Variants in STXBP5 observed in about 807,000 individuals in gnomAD.
The protein encoded by STXBP5 is syntaxin binding protein 5, also known as syntaxin-binding protein 5.
A neutral mutation model predicts 152.4 loss-of-function variants in STXBP5; 50 were observed. The observed-to-expected ratio is 0.33, with a 90% confidence interval of 0.26 to 0.42. The LOEUF (loss-of-function observed/expected upper bound fraction) is 0.42, where lower values mean the gene tolerates loss of function less well. STXBP5 is among the 10% of genes least tolerant of loss of function. The probability of loss-of-function intolerance (pLI) is 1.00; values close to 1 mark genes in which losing one functional copy is unlikely to be tolerated. For synonymous variants in STXBP5, 492 were observed against 494.7 expected, an observed-to-expected ratio of 0.99 and a Z score of 0.07; for missense variants, 1,167 against 1,388.6, an observed-to-expected ratio of 0.84 and a Z score of 2.54.
At chr6:147,310,683 A>G (rs960660682) in intron 10 of STXBP5, among the ~76,000 whole-genome samples, 5 of 152,122 alleles carry the variant, frequency 3.3e-5, no homozygotes, top group African/African-American at 1.2e-4. Flanking sequence ...TGAAATCTAT[A>G]GATTGAAATT....
chr6:147,277,539 C>G (rs1780503022), intron 7 of STXBP5, among the ~76,000 whole-genome samples: 1 of 152,010 alleles, frequency 6.6e-6, no homozygotes. Flanking sequence ...AAATAAATTT[C>G]TTATCAGAAC....
chr6:147,262,582 C>T (rs1183888368), intron 6 of STXBP5, among the ~76,000 whole-genome samples: 1 of 151,892 alleles, frequency 6.6e-6, no homozygotes, highest in Non-Finnish European at 1.5e-5. Context: ...AAACTTAATG[C>T]ATATAATTAC....
intron 26 of STXBP5, among the ~76,000 whole-genome samples, chr6:147,377,192 A>T (rs1405448143): frequency 6.6e-6 from 1 of 152,214 alleles, no homozygotes; most frequent in African/African-American, 2.4e-5. Context: ...AATAACAAAG[A>T]TAAGTTTAAA....
rs1786282738 is a variant in STXBP5, at chr6:147,385,233, T to G, written c.*478T>G. On this transcript the variant is annotated 3_prime_UTR_variant, in exon 28 of 28. Coordinates refer to ENST00000321680, the MANE Select transcript of STXBP5 (RefSeq NM_001127715.4). ...ACAGCTGTCTTGGACTTTCCCTCTCTTAACACTGACTGGTCATCAGTATCA... is the reference window on the plus strand; with the variant it reads ...ACAGCTGTCTTGGACTTTCCCTCTCGTAACACTGACTGGTCATCAGTATCA... 6.5e-6 allele frequency: 1 copy of G among 154,098 alleles called. No homozygotes were observed. The highest frequency in any genetic ancestry group is 2.0e-4 in the South Asian group (1 of 4,906). 9.5% of individuals were successfully genotyped at this position (154,098 alleles called of 1,614,324 possible).
At chr6:147,290,361 T>TA in intron 8 of STXBP5, among the ~76,000 whole-genome samples, 1 of 152,216 alleles carries the variant, frequency 6.6e-6, no homozygotes, top group East Asian at 1.9e-4. Context: ...GGTGTTAGGT[T>TA]AGGGGTGAGT....
At chr6:147,255,554 G>A (rs1779317291) in intron 4 of STXBP5, among the ~76,000 whole-genome samples, 1 of 152,014 alleles carries the variant, frequency 6.6e-6, no homozygotes, top group South Asian at 2.1e-4. Flanking sequence ...GGGAGGGTTG[G>A]TGCAGTCATG....
chr6:147,283,793 A>G (rs563507488), intron 8 of STXBP5, among the ~76,000 whole-genome samples: 43 of 152,328 alleles, frequency 2.8e-4, no homozygotes, highest in African/African-American at 9.4e-4. Flanking sequence ...AAGTAAAAAA[A>G]CAGATGTTCA....
intron 2 of STXBP5, among the ~76,000 whole-genome samples, chr6:147,221,487 G>T (rs781074352): frequency 6.9e-4 from 104 of 150,112 alleles, no homozygotes; most frequent in Admixed American, 1.1e-3. Context: ...GTTTGAGCAA[G>T]TTTTCATTAC....
intron 14 of STXBP5, 77 bp downstream of exon 14, chr6:147,314,713 G>T (rs1020060515): frequency 1.1e-5 from 12 of 1,050,826 alleles, no homozygotes; most frequent in African/African-American, 6.5e-5. Context: ...TATAATAATT[G>T]CATAACCAAT....
At chr6:147,362,095 G>T (rs928945571) in intron 23 of STXBP5, among the ~76,000 whole-genome samples, 5 of 151,982 alleles carry the variant, frequency 3.3e-5, no homozygotes, top group African/African-American at 1.2e-4. Context: ...TAGCTTTTGG[G>T]ACATACTTAT....
intron 22 of STXBP5, among the ~76,000 whole-genome samples, chr6:147,353,929 A>G (rs1784703607): frequency 6.6e-6 from 1 of 152,170 alleles, no homozygotes; most frequent in Admixed American, 6.5e-5. Flanking sequence ...TTTATATCTA[A>G]CCCACGAACA....
chr6:147,261,856 A>AT (rs1779654993), intron 5 of STXBP5, among the ~76,000 whole-genome samples: 1 of 151,918 alleles, frequency 6.6e-6, no homozygotes, highest in African/African-American at 2.4e-5. Flanking sequence ...CTCTGAGCAG[A>AT]TATAGGTGGC....
intron 2 of STXBP5, among the ~76,000 whole-genome samples, chr6:147,207,107 GGTTC>G (rs1349325911): frequency 1.3e-5 from 2 of 152,018 alleles, no homozygotes; most frequent in Non-Finnish European, 2.9e-5. Flanking sequence ...AGATTTTTCT[GGTTC>G]CTGAGAAGGA....
At chr6:147,313,834 T>C (rs1782502889) in intron 11 of STXBP5, 50 bp from the exon 12 acceptor site, 1 of 1,195,408 alleles carries the variant, frequency 8.4e-7, no homozygotes, top group Non-Finnish European at 1.1e-6. Context: ...ATTAATCATA[T>C]GGTATAATTC....
Position 147,359,295 on chromosome 6 carries a change from T to C in STXBP5, c.2517T>C (p.Leu839=), listed in dbSNP as rs1261980612. The C allele has an allele frequency of 1.9e-6, 3 of 1,613,860 alleles. No homozygotes were observed. Among genetic ancestry groups the C allele is most frequent in the East Asian group, 2.2e-5 (1 of 44,854 alleles). Residue 839 remains leucine, a synonymous_variant, in exon 23 of 28, where the codon CTT becomes CTC. Transcript: ENST00000321680. Reference sequence around the variant, plus strand: ...TTCCCCCAGGGGGAGAGCAAAGACTTCTTCAGCCAGTAATTGTGTCTCCAA... The same window carrying C: ...TTCCCCCAGGGGGAGAGCAAAGACTCCTTCAGCCAGTAATTGTGTCTCCAA... ...LNLPPGGEQR[L]LQPVIVSPSG... is the part of the protein sequence containing the mutation.
intron 21 of STXBP5, among the ~76,000 whole-genome samples, chr6:147,350,449 T>C (rs1377372138): frequency 6.6e-6 from 1 of 152,138 alleles, no homozygotes; most frequent in Non-Finnish European, 1.5e-5. Flanking sequence ...ACGTTCCTAA[T>C]TGATTAAAAT....
At chr6:147,332,143 A>T (rs1397630989) in intron 18 of STXBP5, among the ~76,000 whole-genome samples, 1 of 152,188 alleles carries the variant, frequency 6.6e-6, no homozygotes, top group African/African-American at 2.4e-5. Flanking sequence ...GCAGTAACAG[A>T]GGGGATGGAT....
intron 9 of STXBP5, among the ~76,000 whole-genome samples, chr6:147,302,717 A>G (rs528994363): frequency 6.6e-6 from 1 of 152,302 alleles, no homozygotes; most frequent in South Asian, 2.1e-4. Context: ...CAGGAGGCTG[A>G]GGCAGGAGAA....
At chr6:147,270,506 C>A (rs1270094352) in intron 7 of STXBP5, among the ~76,000 whole-genome samples, 1 of 151,362 alleles carries the variant, frequency 6.6e-6, no homozygotes, top group Non-Finnish European at 1.5e-5. Context: ...ATTTGTCAAC[C>A]TAGAACTTTA....
Sources: gnomAD v4.1 joint callset for allele counts (sites outside exome capture counted in the v4.1 genomes callset) on GRCh38, gnomAD v4.1.1 for gene constraint, MANE v1.5 for transcripts, NCBI Gene and HGNC (gene_info 2026-07-23, HGNC 2026-07-21) for gene names.